RENBP: variants seen among roughly 807,000 people sequenced by gnomAD.
The protein encoded by RENBP is N-acylglucosamine 2-epimerase.
In RENBP, 16 loss-of-function variants were observed where a neutral mutation model predicts 37.8. That is an observed-to-expected ratio of 0.42 (90% CI 0.29 to 0.64). RENBP has a LOEUF of 0.64. Among genes scored for constraint, RENBP ranks in the 30% least tolerant of loss-of-function variants. The probability of loss-of-function intolerance (pLI) is 0.19; values close to 1 mark genes in which losing one functional copy is unlikely to be tolerated. For missense variants in RENBP, 347 were observed against 379.5 expected, an observed-to-expected ratio of 0.91 and a Z score of 0.71; for synonymous variants, 170 against 154.8, an observed-to-expected ratio of 1.10 and a Z score of -0.73.
chrX:153,941,827 C>T, intron 7 of RENBP, 123 bp downstream of exon 7: 1 of 763,391 alleles, frequency 1.3e-6, no homozygotes, highest in Non-Finnish European at 2.0e-6. Context: ...CCTTGGGAAG[C>T]CCATCCTCGC....
intron 6 of RENBP, 48 bp downstream of exon 6, chrX:153,942,807 G>A: frequency 1.9e-6 from 2 of 1,056,803 alleles, no homozygotes; most frequent in East Asian, 3.0e-5. Context: ...CAGGGGAGTG[G>A]GGGAGTGGAA....
At chrX:153,942,528 C>T (rs1557109737) in intron 6 of RENBP, 3 of 292,119 alleles carry the variant, frequency 1.0e-5, no homozygotes, top group East Asian at 6.6e-5. Context: ...CGAGCCACCG[C>T]GTCCAGCCCG....
chrX:153,935,563 T>C lies in RENBP; in HGVS notation c.1091A>G (p.Glu364Gly). Reference sequence around the variant, plus strand: ...CAGGTAGCCAAACCATTCCCCGTACTCGGGATCGCGAAACTGGAATAACAG... The same window carrying C: ...CAGGTAGCCAAACCATTCCCCGTACCCGGGATCGCGAAACTGGAATAACAG... ...EYTFRQFRDP[E>G]YGEWFGYLSR... The change falls in exon 10 of 11, where the codon GAG becomes GGG. Residue 364 changes from glutamate to glycine, a missense_variant. Physicochemically the swap from Glu to Gly is moderately conservative, Grantham distance 98 (BLOSUM62 -2). This residue lies in a region of RENBP where 91 missense variants were observed against 67.7 expected (regional missense o/e 1.34). Transcript: ENST00000393700. The C allele has an allele frequency of 1.7e-6, 2 of 1,208,995 alleles. No individual in the cohort carries two copies. The highest frequency in any genetic ancestry group is 2.2e-6 in the Non-Finnish European group (2 of 893,808).
chrX:153,936,588 T>A (rs2065203916), intron 9 of RENBP, among the ~76,000 whole-genome samples: 1 of 109,914 alleles, frequency 9.1e-6, no homozygotes, highest in Non-Finnish European at 1.9e-5. Context: ...TCTTAAGAAG[T>A]GACTCCCTTG....
chrX:153,940,791 G>A (rs1290515964), intron 8 of RENBP, among the ~76,000 whole-genome samples: 1 of 111,835 alleles, frequency 8.9e-6, no homozygotes, highest in Non-Finnish European at 1.9e-5. Context: ...GTCTAAAAAG[G>A]GGAGGCATGA....
Position 153,941,574 on chromosome X carries a change from A to G in RENBP, c.849T>C (p.Ile283=). 2 of 1,209,758 alleles carry G rather than the reference A, an allele frequency of 1.7e-6. No individual in the cohort carries two copies. Among genetic ancestry groups the G allele is most frequent in the Non-Finnish European group, 2.2e-6 (2 of 894,718 alleles). ...KGDPELRAHV[I]DKFLLLPFHS... The stretch of plus-strand genomic sequence containing the variant: ...GGAAGGGCAACAATAGGAACTTGTC[A>G]ATCACGTGGGCTCGAAGTTCGGGGT... The change falls in exon 8 of 11, where the codon ATT becomes ATC. Residue 283 remains isoleucine (I), a synonymous_variant. Transcript: ENST00000393700.
chrX:153,940,880 C>T (rs1557109394), intron 8 of RENBP, among the ~76,000 whole-genome samples: 1 of 111,854 alleles, frequency 8.9e-6, no homozygotes, highest in Non-Finnish European at 1.9e-5. Context: ...TGGCTCACGC[C>T]TATAATCCCA....
intron 9 of RENBP, among the ~76,000 whole-genome samples, chrX:153,939,666 G>A (rs1472889066): frequency 9.0e-6 from 1 of 111,206 alleles, no homozygotes; most frequent in Non-Finnish European, 1.9e-5. Flanking sequence ...GCTGGAGTCC[G>A]TCCCTTGCCC....
Position 153,941,933 on chromosome X carries a change from C to T in RENBP, c.769+17G>A. 2.5e-6 allele frequency: 2 copies of T among 786,773 alleles called. No homozygotes were observed. Among genetic ancestry groups the T allele is most frequent in the Admixed American group, 2.3e-5 (1 of 42,976 alleles). 64.8% of individuals were successfully genotyped at this position (786,773 alleles called of 1,213,427 possible). On this transcript the variant is annotated intron_variant, in intron 7 of 10. Coordinates refer to ENST00000393700, the MANE Select transcript of RENBP (RefSeq NM_002910.6). ...TCCCCTCCTCCTGGGTGGCCCCCAG[C>T]CCACCCCGCCCCTCACCTGGGTTCT...
At chrX:153,941,108 C>T (rs1371395725) in intron 8 of RENBP, among the ~76,000 whole-genome samples, 2 of 92,165 alleles carry the variant, frequency 2.2e-5, no homozygotes, top group Non-Finnish European at 4.2e-5. Flanking sequence ...CATTGCACTC[C>T]AGCCTGGGCA....
At chrX:153,943,395 CCT>C (rs1439017678) in intron 5 of RENBP, 149 bp downstream of exon 5, 12 of 590,541 alleles carry the variant, frequency 2.0e-5, no homozygotes, top group Non-Finnish European at 2.9e-5. Flanking sequence ...CGTCTGCGCC[CCT>C]GTGGGGGTAG....
At chrX:153,936,987 A>G (rs1395516572) in intron 9 of RENBP, 1 of 111,225 alleles carries the variant, frequency 9.0e-6, no homozygotes, top group Non-Finnish European at 1.9e-5. Context: ...ACTTGAGGCC[A>G]GGAGTTTAAG....
At chrX:153,940,911 G>A (rs781908440) in intron 8 of RENBP, among the ~76,000 whole-genome samples, 17 of 111,309 alleles carry the variant, frequency 1.5e-4, no homozygotes, top group Admixed American at 4.7e-4. Flanking sequence ...AGGCTGAGGC[G>A]GGCGGATCAC....
At chrX:153,944,473 A>G in intron 1 of RENBP, 55 bp from the exon 2 acceptor site, 1 of 1,163,882 alleles carries the variant, frequency 8.6e-7, no homozygotes, top group Admixed American at 2.2e-5. Context: ...AGGCCCCCCC[A>G]GCCTCGGGAA....
In RENBP at chrX:153,935,369, C is replaced by A. The variant is rs868977932; in HGVS notation, c.1201G>T (p.Glu401Ter). Residue 401 changes from glutamate (E) to a stop codon, truncating the protein, a stop_gained, in exon 11 of 11, where the codon GAG (glutamate) becomes TAG (stop). Transcript: ENST00000393700. LOFTEE classifies it low-confidence loss of function (END_TRUNC). ...FHVPRCLAMCEEMLGALLSRP... is the reference protein window; with the variant it reads ...FHVPRCLAMC ...CTCAGCAGGGCGCCCAGCATCTCCT[C>A]GCACATGGCTAGGCACCGCGGCACG... is the stretch of plus-strand genomic sequence containing the variant. 1.8e-6 allele frequency: 2 copies of A among 1,126,235 alleles called. No individual in the cohort carries two copies. Among genetic ancestry groups the A allele is most frequent in the Non-Finnish European group, 1.2e-6 (1 of 852,922 alleles). The allele number at this position is 1,126,235 out of a possible 1,213,427, so 92.8% of individuals were successfully genotyped here.
At chrX:153,943,134 C>A (rs1187137043) in intron 5 of RENBP, 55 bp from the exon 6 acceptor site, 9 of 912,596 alleles carry the variant, frequency 9.9e-6, no homozygotes, top group Non-Finnish European at 1.2e-5. Context: ...CCTGTGCCAT[C>A]CCCCTGGACA....
rs1414073104 is a variant in RENBP, at chrX:153,935,521, A to G, written c.1133T>C (p.Val378Ala). Residue 378 changes from valine to alanine, a missense_variant, in exon 10 of 11, where the codon GTG becomes GCG. Around this residue, in one of 3 missense-constraint regions of RENBP, gnomAD observed 91 missense variants for 67.7 expected, o/e 1.34. Coordinates refer to ENST00000393700, the MANE Select transcript of RENBP (RefSeq NM_002910.6). ...AGGACCTCCCTTGATGGAGAGGGCC[A>G]CCTTGCCCTCTCGGCTCAGGTAGCC... is the stretch of plus-strand genomic sequence containing the variant. ...WFGYLSREGKVALSIKGGPFK... is the reference protein window; with the variant it reads ...WFGYLSREGKAALSIKGGPFK... The G allele has an allele frequency of 1.7e-6, 2 of 1,208,920 alleles. No homozygotes were observed. Among genetic ancestry groups the G allele is most frequent in the Non-Finnish European group, 2.2e-6 (2 of 894,353 alleles).
chrX:153,943,636 C>T lies in RENBP; in HGVS notation c.372G>A (p.Pro124=), dbSNP rs781948456. The T allele has an allele frequency of 3.4e-5, 41 of 1,210,036 alleles. No homozygotes were observed. Among genetic ancestry groups the T allele is most frequent in the East Asian group, 5.9e-5 (2 of 33,774 alleles). ...TGAAGATGGTTCGCTGCACCTTGAC[C>T]GGGCGGCCGTCCCGAGTCAGCACAA... ...CAFVLTRDGR[P]VKVQRTIFSE... is the part of the protein sequence containing the mutation. The change falls in exon 5 of 11, where the codon CCG becomes CCA. Residue 124 remains proline, a synonymous_variant. Transcript: ENST00000393700.
chrX:153,935,367 C>T lies in RENBP; in HGVS notation c.1203G>A (p.Glu401=), dbSNP rs1557108299. The T allele has an allele frequency of 8.9e-7, 1 of 1,126,597 alleles. No homozygotes were observed. Among genetic ancestry groups the T allele is most frequent in the Admixed American group, 3.0e-5 (1 of 33,577 alleles). The allele number at this position is 1,126,597 out of a possible 1,213,427, so 92.8% of individuals were successfully genotyped here. ...FHVPRCLAMC[E]EMLGALLSRP... ...GGCTCAGCAGGGCGCCCAGCATCTC[C>T]TCGCACATGGCTAGGCACCGCGGCA... Residue 401 remains glutamate, a synonymous_variant, in exon 11 of 11, where the codon GAG becomes GAA. Transcript: ENST00000393700.
Sources: allele counts gnomAD v4.1 joint callset (sites outside exome capture counted in the v4.1 genomes callset), GRCh38; gene constraint gnomAD v4.1.1; regional missense constraint gnomAD v4.1.1; transcripts MANE v1.5; gene names NCBI Gene and HGNC (gene_info 2026-07-23, HGNC 2026-07-21).